The following CSNK1G1 variants were observed in gnomAD, a reference collection of about 807,000 sequenced individuals.
The protein encoded by CSNK1G1 is casein kinase 1 gamma 1.
In CSNK1G1, 22 loss-of-function variants were observed where a neutral mutation model predicts 59.6. The ratio of observed to expected loss-of-function variants is 0.37; its 90% CI spans 0.26 to 0.53. CSNK1G1 has a LOEUF of 0.53. CSNK1G1 is among the 20% of genes least tolerant of loss of function. The pLI is 0.89. For synonymous variants in CSNK1G1, 179 were observed against 177.1 expected (o/e 1.01, Z -0.08); for missense variants, 384 against 519.5 (o/e 0.74, Z 2.54).
intron 3 of CSNK1G1, among the ~76,000 whole-genome samples, chr15:64,252,922 A>G (rs1892170164): frequency 1.3e-5 from 2 of 152,148 alleles, no homozygotes; most frequent in Non-Finnish European, 2.9e-5. Flanking sequence ...TAAAACCTCA[A>G]CAGTAGCTGA....
chr15:64,179,282 A>C (rs2081779970), intron 11 of CSNK1G1, among the ~76,000 whole-genome samples: 1 of 152,158 alleles, frequency 6.6e-6, no homozygotes, highest in Non-Finnish European at 1.5e-5. Context: ...GCAGGAGACC[A>C]GGGGAATAGG....
intron 10 of CSNK1G1, chr15:64,194,128 A>G (rs1596074076): frequency 6.6e-6 from 1 of 152,194 alleles, no homozygotes; most frequent in South Asian, 2.1e-4. Context: ...ACTGAGCTCT[A>G]TGTGGAGCTG....
At chr15:64,197,506 A>T (rs72756926) in intron 10 of CSNK1G1, among the ~76,000 whole-genome samples, 1 of 152,312 alleles carries the variant, frequency 6.6e-6, no homozygotes, top group Non-Finnish European at 1.5e-5. Flanking sequence ...CAGGCTCAAG[A>T]TCTCTGCAAC....
chr15:64,318,613 CT>C (rs761084189), intron 1 of CSNK1G1, among the ~76,000 whole-genome samples: 378 of 135,550 alleles, frequency 2.8e-3, no homozygotes, highest in Middle Eastern at 7.7e-3. Flanking sequence ...GTGGCATGAT[CT>C]TTTTTTTTTT....
At chr15:64,179,452 G>A (rs1239320992) in intron 11 of CSNK1G1, among the ~76,000 whole-genome samples, 7 of 152,054 alleles carry the variant, frequency 4.6e-5, no homozygotes, top group South Asian at 2.1e-4. Context: ...CTATAAATAC[G>A]TTGTCTGCTT....
At chr15:64,205,046 G>A (rs142929374) in intron 7 of CSNK1G1, 97 bp from the exon 8 acceptor site, 78 of 666,190 alleles carry the variant, frequency 1.2e-4, no homozygotes, top group East Asian at 8.1e-4. Context: ...ACTCAAATTC[G>A]CAGTATTTGT....
intron 2 of CSNK1G1, among the ~76,000 whole-genome samples, chr15:64,270,714 C>T (rs1019879301): frequency 2.0e-5 from 3 of 149,300 alleles, no homozygotes; most frequent in Non-Finnish European, 3.0e-5. Flanking sequence ...GAGCAGAGAT[C>T]GTGCCACTGC....
intron 3 of CSNK1G1, among the ~76,000 whole-genome samples, chr15:64,253,989 A>T (rs1006872616): frequency 3.9e-5 from 6 of 151,984 alleles, no homozygotes; most frequent in Admixed American, 3.3e-4. Context: ...AAATACAAAA[A>T]ATGAGCCAGG....
chr15:64,271,139 C>A (rs1893279929), intron 2 of CSNK1G1, among the ~76,000 whole-genome samples: 1 of 151,930 alleles, frequency 6.6e-6, no homozygotes. Flanking sequence ...AGGCATGTAC[C>A]ACCACACCTA....
chr15:64,218,808 T>C (rs557017237), intron 4 of CSNK1G1, among the ~76,000 whole-genome samples: 1 of 152,204 alleles, frequency 6.6e-6, no homozygotes, highest in East Asian at 1.9e-4. Context: ...GTTGTTGTCT[T>C]GATTCTCCCT....
chr15:64,191,934 A>G (rs2081977887), intron 10 of CSNK1G1, among the ~76,000 whole-genome samples: 1 of 152,246 alleles, frequency 6.6e-6, no homozygotes, highest in African/African-American at 2.4e-5. Flanking sequence ...TATCTAGAGG[A>G]TAACATAGTA....
chr15:64,183,316 A>G lies in CSNK1G1; in HGVS notation c.1108-2862T>C, dbSNP rs575775036. 1.8e-4 allele frequency among the ~76,000 whole-genome samples: 27 copies of G among 152,326 alleles called. No individual in the cohort carries two copies. The South Asian group carries it at 2.1e-3, about 12-fold the overall frequency. ...CAGACTAGACATCTTGTCTGTATCA[A>G]TGAGCATGTGGTCTCAAATGAATGA... On this transcript the variant is annotated intron_variant, in intron 10 of 11. Transcript: ENST00000303052.
intron 4 of CSNK1G1, among the ~76,000 whole-genome samples, chr15:64,222,437 C>CAACAAAAAA (rs2082402048): frequency 1.4e-5 from 1 of 69,004 alleles, no homozygotes. Context: ...ACAACACCAC[C>CAACAAAAAA]AAAAAAAAAA....
At chr15:64,219,730 ATTAC>A (rs1344630707) in intron 4 of CSNK1G1, among the ~76,000 whole-genome samples, 2 of 150,196 alleles carry the variant, frequency 1.3e-5, no homozygotes, top group Admixed American at 6.6e-5. Flanking sequence ...AAGTGCTAAG[ATTAC>A]AGGGATGCCT....
chr15:64,308,083 T>G (rs1372577867), intron 1 of CSNK1G1, among the ~76,000 whole-genome samples: 4 of 152,172 alleles, frequency 2.6e-5, no homozygotes, highest in Non-Finnish European at 5.9e-5. Flanking sequence ...CTATAATACT[T>G]ATTTTTATCT....
chr15:64,280,710 A>G (rs1894078035), intron 2 of CSNK1G1, among the ~76,000 whole-genome samples: 1 of 151,892 alleles, frequency 6.6e-6, no homozygotes. Flanking sequence ...CTCCAAATCA[A>G]AACTCTATTC....
At chr15:64,282,232 A>G (rs1894181913) in intron 2 of CSNK1G1, among the ~76,000 whole-genome samples, 1 of 151,920 alleles carries the variant, frequency 6.6e-6, no homozygotes, top group African/African-American at 2.4e-5. Flanking sequence ...CCCAGCCTCT[A>G]CTTTCTATCT....
At chr15:64,281,590 G>T (rs980424839) in intron 2 of CSNK1G1, among the ~76,000 whole-genome samples, 1 of 152,122 alleles carries the variant, frequency 6.6e-6, no homozygotes, top group African/African-American at 2.4e-5. Context: ...GCAATCCCAG[G>T]ACTTTGGGAA....
chr15:64,256,604 T>G (rs953690518), intron 3 of CSNK1G1, among the ~76,000 whole-genome samples: 6 of 152,026 alleles, frequency 3.9e-5, no homozygotes, highest in Non-Finnish European at 8.8e-5. Context: ...AAGGCAGCAA[T>G]ATTAGCAGCA....
Sources: gnomAD v4.1 joint callset for allele counts (sites outside exome capture counted in the v4.1 genomes callset) on GRCh38, gnomAD v4.1.1 for gene constraint, MANE v1.5 for transcripts, NCBI Gene and HGNC (gene_info 2026-07-23, HGNC 2026-07-21) for gene names.